Variants in CCM2 observed in about 807,000 individuals in gnomAD.
CCM2 encodes the protein cerebral cavernous malformations 2 protein.
Under a neutral mutation model 44.9 loss-of-function variants are expected in CCM2, and 25 were observed. The observed-to-expected ratio is 0.56, with a 90% CI of 0.41 to 0.78. The LOEUF (loss-of-function observed/expected upper bound fraction) is 0.78. CCM2 is among the 30% of genes least tolerant of loss of function. The pLI is 0.00. For missense variants in CCM2, 481 were observed against 580.6 expected (o/e 0.83, Z 1.76); for synonymous variants, 219 against 241.1 (o/e 0.91, Z 0.85).
At chr7:45,005,479 G>T (rs915937153) in intron 1 of CCM2, among the ~76,000 whole-genome samples, 1 of 152,222 alleles carries the variant, frequency 6.6e-6, no homozygotes, top group African/African-American at 2.4e-5. Flanking sequence ...TCTGCAGTCT[G>T]CCCCACTGGG....
At chr7:45,025,714 G>A (rs1796660491) in intron 1 of CCM2, among the ~76,000 whole-genome samples, 1 of 151,952 alleles carries the variant, frequency 6.6e-6, no homozygotes, top group African/African-American at 2.4e-5. Flanking sequence ...TTGTGTTTTT[G>A]GTAGAGACGG....
intron 2 of CCM2, among the ~76,000 whole-genome samples, chr7:45,053,361 G>T (rs141282342): frequency 6.6e-6 from 1 of 152,192 alleles, no homozygotes; most frequent in Non-Finnish European, 1.5e-5. Context: ...ATCTAGAAAC[G>T]GAGTCAGGGA....
chr7:45,038,699 C>G lies in CCM2; in HGVS notation c.204+273C>G, dbSNP rs187773882. Among the ~76,000 whole-genome samples, 25 of 152,306 alleles carry G rather than the reference C, an allele frequency of 1.6e-4. No homozygotes were observed. The East Asian group carries it at 4.6e-3, about 28-fold the overall frequency. On this transcript the variant is annotated intron_variant, in intron 2 of 9. Transcript: ENST00000258781. ...GGCTGTGTGAGTAGTATGTGCTGCT[C>G]CACCAGAAGAGGGTTAAAGAGCTGG...
chr7:45,059,616 G>A (rs985262029), intron 2 of CCM2, among the ~76,000 whole-genome samples: 7 of 152,028 alleles, frequency 4.6e-5, no homozygotes, highest in Middle Eastern at 3.2e-3. Context: ...GGGCCTGGTG[G>A]CATGTGCGTG....
chr7:45,070,704 T>G, intron 6 of CCM2: 2 of 223,726 alleles, frequency 8.9e-6, no homozygotes, highest in Non-Finnish European at 1.9e-5. Context: ...ATCCCAGCAC[T>G]TTGGGAGGCT....
intron 1 of CCM2, among the ~76,000 whole-genome samples, chr7:45,016,391 G>A (rs6974290): frequency 0.035 from 5,270 of 152,094 alleles, 306 homozygotes; most frequent in African/African-American, 0.12. Flanking sequence ...GTGCAATGGC[G>A]CGATCTTGGC....
intron 1 of CCM2, among the ~76,000 whole-genome samples, chr7:45,000,743 C>A (rs1220328559): frequency 6.6e-6 from 1 of 152,214 alleles, no homozygotes; most frequent in Non-Finnish European, 1.5e-5. Context: ...CACTGGACTT[C>A]GTTTTTGGAT....
chr7:45,029,043 C>G (rs1035071936), intron 1 of CCM2, among the ~76,000 whole-genome samples: 1 of 152,200 alleles, frequency 6.6e-6, no homozygotes, highest in Non-Finnish European at 1.5e-5. Flanking sequence ...GTTCCACTGT[C>G]TTCTCAGACC....
intron 2 of CCM2, among the ~76,000 whole-genome samples, chr7:45,056,325 A>G (rs762349855): frequency 2.3e-4 from 35 of 152,174 alleles, no homozygotes; most frequent in Non-Finnish European, 3.1e-4. Flanking sequence ...CAATATCTCC[A>G]TATCTTTGCC....
intron 2 of CCM2, among the ~76,000 whole-genome samples, chr7:45,039,850 A>C (rs1013132891): frequency 6.6e-6 from 1 of 151,884 alleles, no homozygotes; most frequent in Admixed American, 6.6e-5. Flanking sequence ...AACATGGAGA[A>C]ACCCCGTCTC....
Position 45,064,446 on chromosome 7 carries a change from C to T in CCM2, c.289-17C>T, listed in dbSNP as rs1334674611. On this transcript the variant is annotated splice_polypyrimidine_tract_variant and intron_variant, in intron 3 of 9. Transcript: ENST00000258781. ...ACAGCTGAGTCTGTATTTCTGATGCCCTGTGGTTCCTTCCAGAGAGCCCAC... is the reference window on the plus strand; with the variant it reads ...ACAGCTGAGTCTGTATTTCTGATGCTCTGTGGTTCCTTCCAGAGAGCCCAC... The T allele has an allele frequency of 1.9e-6, 3 of 1,612,198 alleles. No individual in the cohort carries two copies. The highest frequency in any genetic ancestry group is 2.7e-5 in the African/African-American group (2 of 74,972).
intron 1 of CCM2, among the ~76,000 whole-genome samples, chr7:45,030,407 G>A (rs942735804): frequency 6.6e-6 from 1 of 152,160 alleles, no homozygotes; most frequent in African/African-American, 2.4e-5. Flanking sequence ...TCCTGATTCT[G>A]TACATTAAAA....
At chr7:45,019,953 A>G (rs1000121403) in intron 1 of CCM2, among the ~76,000 whole-genome samples, 3 of 152,162 alleles carry the variant, frequency 2.0e-5, no homozygotes, top group African/African-American at 7.2e-5. Context: ...TACGCAGTTC[A>G]GGGTTCAGCC....
intron 1 of CCM2, among the ~76,000 whole-genome samples, chr7:45,018,633 A>G (rs1312400631): frequency 1.3e-5 from 2 of 151,940 alleles, no homozygotes; most frequent in Non-Finnish European, 2.9e-5. Context: ...GGCGTGAGCC[A>G]CCATGCCCAG....
intron 7 of CCM2, 144 bp from the exon 8 acceptor site, chr7:45,073,316 C>G: frequency 3.0e-6 from 2 of 676,216 alleles, no homozygotes; most frequent in East Asian, 2.7e-5. Flanking sequence ...CCAGTCAGCT[C>G]TCCTCTCATC....
chr7:45,002,699 CAT>C (rs929269205), intron 1 of CCM2, among the ~76,000 whole-genome samples: 2 of 152,108 alleles, frequency 1.3e-5, no homozygotes, highest in African/African-American at 4.8e-5. Flanking sequence ...CACCTCAGCA[CAT>C]GTGGTGATGA....
At position 45,001,699 on chromosome 7, in the gene CCM2, T is replaced by C. The variant is rs533840017; in HGVS notation, c.30+1336T>C. 4.6e-5 allele frequency among the ~76,000 whole-genome samples: 7 copies of C among 151,042 alleles called. No individual in the cohort carries two copies. In the East Asian group the frequency reaches 1.4e-3, roughly 29 times the overall value. ...TGTGATAGGCAAGGATGGAATTGAG[T>C]GATTTTTTTTTCTAGAGCTGTCTAT... On this transcript the variant is annotated intron_variant, in intron 1 of 9. Coordinates refer to ENST00000258781, the MANE Select transcript of CCM2 (RefSeq NM_031443.4).
intron 2 of CCM2, among the ~76,000 whole-genome samples, chr7:45,047,240 A>T (rs1797800759): frequency 6.6e-6 from 1 of 152,196 alleles, no homozygotes; most frequent in Admixed American, 6.5e-5. Flanking sequence ...ATGAAAATTT[A>T]TGTTCACATG....
chr7:45,053,156 G>A (rs974172378), intron 2 of CCM2, among the ~76,000 whole-genome samples: 6 of 152,180 alleles, frequency 3.9e-5, no homozygotes, highest in Non-Finnish European at 5.9e-5. Context: ...TATGTGCATT[G>A]TCTCAGACCC....
Sources: gnomAD v4.1 joint callset for allele counts (sites outside exome capture counted in the v4.1 genomes callset) on GRCh38, gnomAD v4.1.1 for gene constraint, MANE v1.5 for transcripts, NCBI Gene and HGNC (gene_info 2026-07-23, HGNC 2026-07-21) for gene names.